ZNF804B: variants seen among roughly 807,000 people sequenced by gnomAD.
ZNF804B encodes the protein zinc finger 804B.
Under a neutral mutation model 101.4 loss-of-function variants are expected in ZNF804B, and 80 were observed. The observed-to-expected ratio is 0.79, with a 90% CI of 0.66 to 0.95. ZNF804B has a LOEUF of 0.95. Ranked by LOEUF, ZNF804B falls within the 40% of genes least tolerant of loss-of-function variation. The probability of loss-of-function intolerance (pLI) is 0.00; values close to 1 mark genes in which losing one functional copy is unlikely to be tolerated. For synonymous variants in ZNF804B, 622 were observed against 558.8 expected, an observed-to-expected ratio of 1.11 and a Z score of -1.59; for missense variants, 1,673 against 1,561.9, an observed-to-expected ratio of 1.07 and a Z score of -1.20.
intron 1 of ZNF804B, among the ~76,000 whole-genome samples, chr7:88,873,748 T>C (rs1791877891): frequency 1.3e-5 from 2 of 152,168 alleles, no homozygotes; most frequent in African/African-American, 4.8e-5. Context: ...ATTGCTTGTT[T>C]TTCTCAGGTT....
rs146798507 is a variant in ZNF804B, at chr7:89,085,337, T to C, written c.109-132818T>C. On this transcript the variant is annotated intron_variant, in intron 1 of 3. Coordinates refer to ENST00000333190, the MANE Select transcript of ZNF804B (RefSeq NM_181646.5). ...CCAAATAAGAAATCTAATTTGTTGTTTCTCTTGGATCCCTGGTTAAAGTTT... is the reference window on the plus strand; with the variant it reads ...CCAAATAAGAAATCTAATTTGTTGTCTCTCTTGGATCCCTGGTTAAAGTTT... Among the ~76,000 whole-genome samples the C allele has an allele frequency of 5.4e-3, 817 of 152,150 alleles. 10 individuals carry two copies. The highest frequency in any genetic ancestry group is 0.019 in the African/African-American group (772 of 41,542).
intron 1 of ZNF804B, among the ~76,000 whole-genome samples, chr7:88,947,326 C>T (rs1022785287): frequency 2.6e-5 from 4 of 151,794 alleles, no homozygotes; most frequent in Non-Finnish European, 5.9e-5. Flanking sequence ...CATGGAATAC[C>T]CAGCAGCCAT....
At chr7:89,175,120 CT>C (rs1382909181) in intron 1 of ZNF804B, among the ~76,000 whole-genome samples, 4 of 120,522 alleles carry the variant, frequency 3.3e-5, no homozygotes, top group Non-Finnish European at 5.8e-5. Context: ...TCCATGTTTG[CT>C]TTGGTTGCCT....
intron 1 of ZNF804B, among the ~76,000 whole-genome samples, chr7:89,198,497 A>G (rs1584048323): frequency 6.6e-6 from 1 of 151,946 alleles, no homozygotes; most frequent in East Asian, 1.9e-4. Context: ...AGTGAAAAAC[A>G]CTATAAGCTA....
At chr7:89,208,104 CAG>C (rs1313886245) in intron 1 of ZNF804B, among the ~76,000 whole-genome samples, 2 of 134,510 alleles carry the variant, frequency 1.5e-5, no homozygotes, top group African/African-American at 5.5e-5. Flanking sequence ...TTTTTTGAGA[CAG>C]AGTCTCTCTC....
chr7:88,928,106 A>C (rs1404927222), intron 1 of ZNF804B, among the ~76,000 whole-genome samples: 1 of 152,160 alleles, frequency 6.6e-6, no homozygotes, highest in Non-Finnish European at 1.5e-5. Flanking sequence ...GAAGCTGGTC[A>C]AATCAACCTC....
chr7:89,006,466 A>G (rs1788370171), intron 1 of ZNF804B, among the ~76,000 whole-genome samples: 1 of 152,232 alleles, frequency 6.6e-6, no homozygotes, highest in Non-Finnish European at 1.5e-5. Flanking sequence ...CATTTATATC[A>G]TGCATTGTGA....
chr7:89,333,753 A>C lies in ZNF804B; in HGVS notation c.771A>C (p.Lys257Asn), dbSNP rs370263764. 6.2e-7 allele frequency: 1 copy of C among 1,613,612 alleles called. No individual in the cohort carries two copies. The highest frequency in any genetic ancestry group is 1.1e-5 in the South Asian group (1 of 91,058). ...ACAAGTCACCCATTTATAAAACAAA[A>C]CAAACTGCAGATAAGTGCAAGTGCT... ...DCNKSPIYKT[K>N]QTADKCKCCR... Residue 257 changes from lysine to asparagine, a missense_variant, in exon 4 of 4, where the codon AAA becomes AAC. By Grantham distance (94) the Lys-to-Asn change is moderately conservative. Transcript: ENST00000333190.
chr7:89,171,288 GCTTCTTCTTCTTCTTCTTCTT>G (rs1203060273), intron 1 of ZNF804B, among the ~76,000 whole-genome samples: 51 of 82,546 alleles, frequency 6.2e-4, no homozygotes, highest in African/African-American at 1.8e-3. Context: ...TGCTGCTGCT[GCTTCTTCTTCTTCTTCTTCTT>G]CTTCTTCTTC....
chr7:89,215,894 A>AATAC (rs1467630176), intron 1 of ZNF804B, among the ~76,000 whole-genome samples: 3 of 148,490 alleles, frequency 2.0e-5, no homozygotes, highest in African/African-American at 7.4e-5. Flanking sequence ...TAAATAAATA[A>AATAC]ATAAATAAAT....
At chr7:89,067,756 A>T (rs1583967234) in intron 1 of ZNF804B, among the ~76,000 whole-genome samples, 1 of 152,028 alleles carries the variant, frequency 6.6e-6, no homozygotes, top group Non-Finnish European at 1.5e-5. Context: ...GTTCAAAGCC[A>T]GGTTTCATCA....
chr7:89,154,812 A>G lies in ZNF804B; in HGVS notation c.109-63343A>G, dbSNP rs1015738604. On this transcript the variant is annotated intron_variant, in intron 1 of 3. Transcript: ENST00000333190. ...AATAAGACCTACTATTTGATAGCAC[A>G]TCAGAGTAAATATAGTCAATAATCA... 7.9e-5 allele frequency among the ~76,000 whole-genome samples: 12 copies of G among 152,260 alleles called. No homozygotes were observed. The South Asian group carries it at 1.0e-3, about 13-fold the overall frequency.
At chr7:88,828,282 T>C (rs1362155644) in intron 1 of ZNF804B, among the ~76,000 whole-genome samples, 2 of 152,130 alleles carry the variant, frequency 1.3e-5, no homozygotes, top group East Asian at 1.9e-4. Flanking sequence ...ATATTTAGGG[T>C]ATAGGACATT....
chr7:88,770,094 G>T (rs1393535481), intron 1 of ZNF804B, among the ~76,000 whole-genome samples: 1 of 152,110 alleles, frequency 6.6e-6, no homozygotes, highest in Non-Finnish European at 1.5e-5. Context: ...ACATTGGAAA[G>T]ACCCTTAGCA....
chr7:89,294,085 T>C (rs1404043), intron 2 of ZNF804B, among the ~76,000 whole-genome samples: 92,437 of 151,898 alleles, frequency 0.61, 28,426 homozygotes, highest in East Asian at 0.9. Context: ...TTCTTCTCTC[T>C]CCTTAGATTT....
chr7:89,299,563 T>G (rs2115918076), intron 2 of ZNF804B, among the ~76,000 whole-genome samples: 1 of 152,160 alleles, frequency 6.6e-6, no homozygotes, highest in African/African-American at 2.4e-5. Context: ...AAATACAAGT[T>G]AAAAGAAAAA....
At chr7:88,898,828 C>G (rs547649295) in intron 1 of ZNF804B, among the ~76,000 whole-genome samples, 1 of 152,310 alleles carries the variant, frequency 6.6e-6, no homozygotes, top group African/African-American at 2.4e-5. Context: ...ACAGGTCACA[C>G]GTGCCTCTGG....
In ZNF804B at chr7:89,287,515, T is replaced by A. The variant is rs141071856; in HGVS notation, c.250-39829T>A. On this transcript the variant is annotated intron_variant, in intron 2 of 3. Coordinates refer to ENST00000333190, the MANE Select transcript of ZNF804B (RefSeq NM_181646.5). ...AATCTTGCAGGGTGTCAGAGACTAA[T>A]AGTAAATTTCTGGACTATTAAATAA... Among the ~76,000 whole-genome samples, 102 of 152,322 alleles carry A rather than the reference T, an allele frequency of 6.7e-4. No individual in the cohort carries two copies. In the East Asian group the frequency reaches 0.018, roughly 27 times the overall value.
At chr7:89,050,409 C>A (rs1789181568) in intron 1 of ZNF804B, among the ~76,000 whole-genome samples, 1 of 152,078 alleles carries the variant, frequency 6.6e-6, no homozygotes, top group African/African-American at 2.4e-5. Flanking sequence ...CATTTTCAAT[C>A]AAAAATATAA....
Sources: gnomAD v4.1 joint callset for allele counts (sites outside exome capture counted in the v4.1 genomes callset) on GRCh38, gnomAD v4.1.1 for gene constraint, MANE v1.5 for transcripts, NCBI Gene and HGNC (gene_info 2026-07-23, HGNC 2026-07-21) for gene names.